CADM1: variants seen among roughly 807,000 people sequenced by gnomAD.
CADM1 encodes TSLC-1.
Under a neutral mutation model 53.1 loss-of-function variants are expected in CADM1, and 15 were observed. The observed-to-expected ratio is 0.28, with a 90% CI of 0.19 to 0.44. The LOEUF (loss-of-function observed/expected upper bound fraction) is 0.44. Ranked by LOEUF, CADM1 falls within the 20% of genes least tolerant of loss-of-function variation. CADM1 has a pLI of 1.00. For synonymous variants in CADM1, 281 were observed against 243.0 expected (o/e 1.16, Z -1.45); for missense variants, 434 against 611.3 (o/e 0.71, Z 3.06).
chr11:115,325,781 A>G (rs1314760585), intron 1 of CADM1, among the ~76,000 whole-genome samples: 1 of 152,168 alleles, frequency 6.6e-6, no homozygotes, highest in African/African-American at 2.4e-5. Context: ...GGGACTCTAC[A>G]CTTCCATCAG....
chr11:115,239,044 C>G (rs1310657086), intron 2 of CADM1, among the ~76,000 whole-genome samples: 1 of 152,096 alleles, frequency 6.6e-6, no homozygotes, highest in Non-Finnish European at 1.5e-5. Flanking sequence ...TCCCCTGAAG[C>G]AGGGAGTGCC....
chr11:115,496,636 A>G (rs2135437851), intron 1 of CADM1, among the ~76,000 whole-genome samples: 1 of 152,272 alleles, frequency 6.6e-6, no homozygotes, highest in South Asian at 2.1e-4. Context: ...CCTGTCCTGA[A>G]AAGAATTAGA....
chr11:115,428,943 G>A (rs182314479), intron 1 of CADM1, among the ~76,000 whole-genome samples: 292 of 152,270 alleles, frequency 1.9e-3, no homozygotes, highest in Non-Finnish European at 3.3e-3. Flanking sequence ...AACATCTCAC[G>A]TTTGAGGCCC....
At chr11:115,314,899 C>T (rs1347220768) in intron 1 of CADM1, among the ~76,000 whole-genome samples, 1 of 152,176 alleles carries the variant, frequency 6.6e-6, no homozygotes, top group Admixed American at 6.5e-5. Flanking sequence ...GCATCTAGAA[C>T]AAATGGTCAC....
intron 1 of CADM1, among the ~76,000 whole-genome samples, chr11:115,427,677 A>G (rs2135286270): frequency 6.6e-6 from 1 of 152,178 alleles, no homozygotes; most frequent in Non-Finnish European, 1.5e-5. Flanking sequence ...GACAAACAGA[A>G]ATTAAAGAAA....
rs45508698 is a variant in CADM1, at chr11:115,325,834, T to C, written c.125-85414A>G. Among the ~76,000 whole-genome samples, 829 of 152,314 alleles carry C rather than the reference T, an allele frequency of 5.4e-3. 7 individuals are homozygous for C. Among genetic ancestry groups the C allele is most frequent in the Non-Finnish European group, 9.4e-3 (639 of 68,034 alleles). The stretch of plus-strand genomic sequence containing the variant: ...TTAGGAGAGGTAAACCTCTTTTTAA[T>C]TGTATTCTATGATACTAACAGGCAT... On this transcript the variant is annotated intron_variant, in intron 1 of 11. Transcript: ENST00000331581.
intron 10 of CADM1, among the ~76,000 whole-genome samples, chr11:115,179,747 G>A (rs1012813231): frequency 3.3e-5 from 5 of 151,904 alleles, no homozygotes; most frequent in Non-Finnish European, 7.4e-5. Flanking sequence ...AGTCAAGTAC[G>A]ACACCTCCAT....
chr11:115,236,718 A>T (rs957896062), intron 3 of CADM1, among the ~76,000 whole-genome samples: 11 of 152,328 alleles, frequency 7.2e-5, no homozygotes, highest in East Asian at 3.9e-4. Context: ...CATACTCCTG[A>T]AAACAAAAGA....
At chr11:115,483,706 G>A (rs889736329) in intron 1 of CADM1, among the ~76,000 whole-genome samples, 2 of 152,102 alleles carry the variant, frequency 1.3e-5, no homozygotes, top group Admixed American at 1.3e-4. Flanking sequence ...TGAGAATTTG[G>A]CTTTTTAAAT....
chr11:115,231,274 G>T, intron 4 of CADM1, 79 bp downstream of exon 4: 1 of 1,475,064 alleles, frequency 6.8e-7, no homozygotes, highest in Non-Finnish European at 9.5e-7. Flanking sequence ...GGCATGTTTT[G>T]TATTTCTCCA....
chr11:115,195,869 C>T (rs1023307385), intron 9 of CADM1, among the ~76,000 whole-genome samples: 27 of 152,062 alleles, frequency 1.8e-4, no homozygotes, highest in African/African-American at 6.3e-4. Flanking sequence ...TGGCTGGAGC[C>T]CTTTGTGAAG....
Position 115,190,938 on chromosome 11 carries a change from A to C in CADM1, c.1115T>G (p.Leu372Arg), listed in dbSNP as rs774423490. Residue 372 changes from leucine (L) to arginine (R), a missense_variant, in exon 10 of 12, where the codon CTT (leucine) becomes CGT (arginine). Coordinates refer to ENST00000331581, the MANE Select transcript of CADM1 (RefSeq NM_001301043.2). ...TATTEPAVHG[L>R]TQLPNSAEEL... The stretch of plus-strand genomic sequence containing the variant: ...TTCTGCGGAATTGGGCAACTGAGTA[A>C]GGCCTTACAAGTAAAAACAAATCGT... 6.3e-7 allele frequency: 1 copy of C among 1,591,594 alleles called. No homozygotes were observed. Among genetic ancestry groups the C allele is most frequent in the African/African-American group, 1.3e-5 (1 of 74,974 alleles).
rs1262908873 is a variant in CADM1 at position 115,174,697 on chromosome 11, C to T, written c.*1777G>A. The T allele has an allele frequency of 3.2e-5, 31 of 971,734 alleles. No homozygotes were observed. Among genetic ancestry groups the T allele is most frequent in the Non-Finnish European group, 3.7e-5 (30 of 817,352 alleles). The allele number at this position is 971,734 out of a possible 1,614,324, so 60.2% of individuals were successfully genotyped here. On this transcript the variant is annotated 3_prime_UTR_variant, in exon 12 of 12. Transcript: ENST00000331581. Reference sequence around the variant, plus strand: ...ACATAATGTAACAATAGTAAAAATGCACCTTGCAAAATCCAAAATTACTCA... The same window carrying T: ...ACATAATGTAACAATAGTAAAAATGTACCTTGCAAAATCCAAAATTACTCA...
intron 1 of CADM1, among the ~76,000 whole-genome samples, chr11:115,269,726 C>T (rs978520995): frequency 6.6e-6 from 1 of 152,132 alleles, no homozygotes; most frequent in African/African-American, 2.4e-5. Context: ...TACCATAATA[C>T]CCATCAAGTC....
chr11:115,231,239 T>C (rs1941801607), intron 4 of CADM1, 114 bp downstream of exon 4: 2 of 1,170,974 alleles, frequency 1.7e-6, no homozygotes, highest in South Asian at 2.5e-5. Flanking sequence ...ATAAACCATA[T>C]CTAAATGAAT....
chr11:115,477,401 G>C (rs1276765999), intron 1 of CADM1, among the ~76,000 whole-genome samples: 1 of 152,150 alleles, frequency 6.6e-6, no homozygotes, highest in African/African-American at 2.4e-5. Context: ...TCTAAGAAGA[G>C]GAATTGCCTA....
chr11:115,450,950 C>A (rs1185012440), intron 1 of CADM1, among the ~76,000 whole-genome samples: 1 of 152,184 alleles, frequency 6.6e-6, no homozygotes, highest in African/African-American at 2.4e-5. Context: ...TACCTCCTTC[C>A]TTTTTAATCA....
At chr11:115,418,301 G>T (rs755188147) in intron 1 of CADM1, among the ~76,000 whole-genome samples, 92 of 152,278 alleles carry the variant, frequency 6.0e-4, no homozygotes, top group Non-Finnish European at 9.4e-4. Context: ...AAGTGGTTAA[G>T]ATTATTACAC....
intron 1 of CADM1, among the ~76,000 whole-genome samples, chr11:115,245,975 G>A (rs934054404): frequency 5.3e-5 from 8 of 152,032 alleles, no homozygotes; most frequent in Non-Finnish European, 8.8e-5. Context: ...TAAATTATTC[G>A]AAGTTCAAGC....
Sources: gnomAD v4.1 joint callset for allele counts (sites outside exome capture counted in the v4.1 genomes callset) on GRCh38, gnomAD v4.1.1 for gene constraint, MANE v1.5 for transcripts, NCBI Gene and HGNC (gene_info 2026-07-23, HGNC 2026-07-21) for gene names.